Variants in GCFC2 observed in about 807,000 individuals in gnomAD.
GCFC2 encodes the protein GC-rich sequence DNA-binding factor 2.
In GCFC2, 102 loss-of-function variants were observed where a neutral mutation model predicts 99.4. The ratio of observed to expected loss-of-function variants is 1.03; its 90% CI spans 0.87 to 1.21. The LOEUF (loss-of-function observed/expected upper bound fraction) is 1.21, where lower values mean the gene tolerates loss of function less well. Among genes scored for constraint, GCFC2 ranks in the 50% most tolerant of loss-of-function variants. The pLI is 0.00. For synonymous variants in GCFC2, 338 were observed against 316.8 expected (o/e 1.07, Z -0.71); for missense variants, 973 against 920.9 (o/e 1.06, Z -0.73).
Position 75,702,201 on chromosome 2 carries a change from G to C in GCFC2, c.617C>G (p.Ser206Ter). The C allele has an allele frequency of 6.2e-7, 1 of 1,601,092 alleles. No individual in the cohort carries two copies. The highest frequency in any genetic ancestry group is 8.6e-7 in the Non-Finnish European group (1 of 1,168,690). The part of the protein sequence containing the change: ...QTLRQRMAEE[S>*]ISRNEETSEE... Reference sequence around the variant, plus strand: ...TTCATATATTGGTAAATCCATACTTGATTCCTCAGCCATCCTTTGTCTAAG... The same window carrying C: ...TTCATATATTGGTAAATCCATACTTCATTCCTCAGCCATCCTTTGTCTAAG... The change falls in exon 3 of 17, where the codon TCA becomes TGA. Residue 206 changes from serine to a stop codon, truncating the protein, a stop_gained and splice_region_variant. Coordinates refer to ENST00000321027, the MANE Select transcript of GCFC2 (RefSeq NM_003203.5). LOFTEE classifies it high-confidence loss of function.
intron 1 of GCFC2, 87 bp from the exon 2 acceptor site, chr2:75,706,738 A>G: frequency 2.5e-6 from 2 of 800,434 alleles, no homozygotes; most frequent in South Asian, 1.9e-5. Context: ...TGGCATATGT[A>G]TAATACGGTG....
chr2:75,685,004 C>G (rs1679747162), intron 11 of GCFC2, among the ~76,000 whole-genome samples: 2 of 152,188 alleles, frequency 1.3e-5, no homozygotes, highest in Admixed American at 1.3e-4. Context: ...TAAGTGGGAG[C>G]TGAACAATGA....
At position 75,710,574 on chromosome 2, in the gene GCFC2, C is replaced by T; in HGVS notation, c.265+17G>A. ...CTGTGCCGTCACCTCCCCGCTTCCCCGCGTCTCCCTGGACACCTGAGCCTT... is the reference window on the plus strand; with the variant it reads ...CTGTGCCGTCACCTCCCCGCTTCCCTGCGTCTCCCTGGACACCTGAGCCTT... On this transcript the variant is annotated intron_variant, in intron 1 of 16. Coordinates refer to ENST00000321027, the MANE Select transcript of GCFC2 (RefSeq NM_003203.5). The T allele has an allele frequency of 6.7e-7, 1 of 1,488,472 alleles. No individual in the cohort carries two copies. The highest frequency in any genetic ancestry group is 8.9e-7 in the Non-Finnish European group (1 of 1,125,790). 92.2% of individuals were successfully genotyped at this position (1,488,472 alleles called of 1,614,324 possible).
chr2:75,672,065 T>C (rs762903985), intron 13 of GCFC2, 49 bp from the exon 14 acceptor site: 16 of 1,007,954 alleles, frequency 1.6e-5, no homozygotes, highest in Non-Finnish European at 2.0e-5. Flanking sequence ...GAACTATTAG[T>C]CTTTCAGAAC....
intron 12 of GCFC2, among the ~76,000 whole-genome samples, chr2:75,679,205 T>C (rs1679467641): frequency 6.6e-6 from 1 of 152,232 alleles, no homozygotes; most frequent in Non-Finnish European, 1.5e-5. Flanking sequence ...GTATCCCTTT[T>C]CTCCCTTTCA....
Position 75,702,379 on chromosome 2 carries a change from G to A in GCFC2, c.439C>T (p.Arg147Cys), listed in dbSNP as rs968325168. ...TCATCTTGGGCCCTGGCCAATTCACGTTTTCTGCGGGCTGCCTGAATAAAA... is the reference window on the plus strand; with the variant it reads ...TCATCTTGGGCCCTGGCCAATTCACATTTTCTGCGGGCTGCCTGAATAAAA... The part of the protein sequence containing the change: ...AAFIQAARRK[R>C]ELARAQDDYI... The change falls in exon 3 of 17, where the codon CGT becomes TGT. Residue 147 changes from arginine (R) to cysteine (C), a missense_variant. By Grantham distance (180) the Arg-to-Cys change is radical. Coordinates refer to ENST00000321027, the MANE Select transcript of GCFC2 (RefSeq NM_003203.5). The A allele has an allele frequency of 1.2e-5, 20 of 1,612,558 alleles. No individual in the cohort carries two copies. The highest frequency in any genetic ancestry group is 5.0e-5 in the Admixed American group (3 of 59,984).
In GCFC2 at chr2:75,701,263, T is replaced by C. The variant is rs767794615; in HGVS notation, c.644A>G (p.Glu215Gly). The part of the protein sequence containing the change: ...ESISRNEETS[E>G]ESQEDEKQDT... ...TTGCTTTTCATCTTCCTGACTTTCT[T>C]CACTTGTTTCTTCATTTCTGCTTAC... Residue 215 changes from glutamate to glycine, a missense_variant, in exon 4 of 17, where the codon GAA (glutamate) becomes GGA (glycine). By Grantham distance (98) the Glu-to-Gly change is moderately conservative (BLOSUM62 -2). Coordinates refer to ENST00000321027, the MANE Select transcript of GCFC2 (RefSeq NM_003203.5). The C allele has an allele frequency of 3.1e-6, 5 of 1,605,698 alleles. No individual in the cohort carries two copies. In the Admixed American group the frequency reaches 5.0e-5, roughly 16 times the overall value.
chr2:75,690,294 G>A (rs1553435069), intron 8 of GCFC2, among the ~76,000 whole-genome samples: 1 of 151,980 alleles, frequency 6.6e-6, no homozygotes, highest in Non-Finnish European at 1.5e-5. Flanking sequence ...TGCATTTTTT[G>A]TTTTGTTTTG....
At chr2:75,701,612 T>C (rs1412345893) in intron 3 of GCFC2, among the ~76,000 whole-genome samples, 1 of 152,212 alleles carries the variant, frequency 6.6e-6, no homozygotes, top group African/African-American at 2.4e-5. Context: ...TGAGAAAGAA[T>C]GAAATGTTTG....
chr2:75,697,268 G>T (rs1680369363), intron 4 of GCFC2, among the ~76,000 whole-genome samples: 1 of 152,206 alleles, frequency 6.6e-6, no homozygotes, highest in Admixed American at 6.5e-5. Flanking sequence ...AAACTGACCA[G>T]ATATTTAGCC....
At chr2:75,700,551 T>A (rs1680540563) in intron 4 of GCFC2, among the ~76,000 whole-genome samples, 2 of 152,190 alleles carry the variant, frequency 1.3e-5, no homozygotes, top group African/African-American at 4.8e-5. Flanking sequence ...ATTGGATATA[T>A]TTGTATTATA....
At chr2:75,706,758 T>C (rs1680888023) in intron 1 of GCFC2, 107 bp from the exon 2 acceptor site, 3 of 626,520 alleles carry the variant, frequency 4.8e-6, no homozygotes, top group South Asian at 5.7e-5. Flanking sequence ...GTTTTAATCC[T>C]AGTCCATATA....
chr2:75,665,642 A>G (rs1171345865), intron 16 of GCFC2, among the ~76,000 whole-genome samples: 3 of 152,228 alleles, frequency 2.0e-5, no homozygotes, highest in Non-Finnish European at 4.4e-5. Flanking sequence ...GAAAATTAAA[A>G]ACACATTTAA....
At position 75,670,268 on chromosome 2, in the gene GCFC2, A is replaced by T; in HGVS notation, c.1973T>A (p.Leu658His). Residue 658 changes from leucine (L) to histidine (H), a missense_variant, in exon 15 of 17, where the codon CTT (leucine) becomes CAT (histidine). Coordinates refer to ENST00000321027, the MANE Select transcript of GCFC2 (RefSeq NM_003203.5). ...WSGLKLFRNI[L>H]LWNGLLTDDT... ...ATCTGTAAGGAGTCCATTCCAAAGA[A>T]GAATATTGCGGAAGAGCTAAAATAA... The T allele has an allele frequency of 6.2e-7, 1 of 1,604,424 alleles. No individual in the cohort carries two copies. The highest frequency in any genetic ancestry group is 1.1e-5 in the South Asian group (1 of 90,786).
rs767380900 is a variant in GCFC2 at position 75,666,011 on chromosome 2, T to C, written c.2146A>G (p.Met716Val). ...TCTAGCTGTGGAATAGATGTCCTCA[T>C]GGCAGAATTTTCAAACCATTTTTCT... ...LPEKWFENSAMRTSIPQLENF... is the reference protein window; with the variant it reads ...LPEKWFENSAVRTSIPQLENF... The change falls in exon 16 of 17, where the codon ATG (methionine) becomes GTG (valine). Residue 716 changes from methionine (M) to valine (V), a missense_variant. By Grantham distance (21) the Met-to-Val change is conservative. Transcript: ENST00000321027. The C allele has an allele frequency of 1.2e-6, 2 of 1,606,158 alleles. No individual in the cohort carries two copies. Among genetic ancestry groups the C allele is most frequent in the African/African-American group, 2.7e-5 (2 of 74,768 alleles).
At chr2:75,683,783 A>AG (rs1359330989) in intron 11 of GCFC2, among the ~76,000 whole-genome samples, 1 of 150,810 alleles carries the variant, frequency 6.6e-6, no homozygotes, top group African/African-American at 2.4e-5. Context: ...AAAAAAAAAA[A>AG]AAAAAAAAAG....
chr2:75,675,755 AAAAC>A (rs763677453), intron 12 of GCFC2, among the ~76,000 whole-genome samples: 10,989 of 145,784 alleles, frequency 0.075, 301 homozygotes, highest in Non-Finnish European at 0.1. Flanking sequence ...AAAAAAAAAA[AAAAC>A]AAAAAAAAGA....
intron 2 of GCFC2, among the ~76,000 whole-genome samples, chr2:75,703,082 T>C (rs1188170624): frequency 6.6e-6 from 1 of 151,984 alleles, no homozygotes; most frequent in Non-Finnish European, 1.5e-5. Flanking sequence ...CTTAAGAGAG[T>C]CTTATTTTTT....
In GCFC2 at chr2:75,694,295, G is replaced by T; in HGVS notation, c.966C>A (p.Phe322Leu). Residue 322 changes from phenylalanine (F) to leucine (L), a missense_variant, in exon 6 of 17, where the codon TTC becomes TTA. By Grantham distance (22) the Phe-to-Leu change is conservative. Transcript: ENST00000321027. ...SSSNQALNCK[F>L]YKSMKIYVEN... ...CCACATAAATTTTCATGCTTTTATA[G>T]AATTTACAATTTAGAGCTTGATTTG... is the stretch of plus-strand genomic sequence containing the variant. 2 of 1,235,848 alleles carry T rather than the reference G, an allele frequency of 1.6e-6. No homozygotes were observed. The highest frequency in any genetic ancestry group is 1.4e-5 in the South Asian group (1 of 72,254). 76.6% of individuals were successfully genotyped at this position (1,235,848 alleles called of 1,614,324 possible). A position where few individuals can be genotyped will look rare whatever the true frequency, so the allele number is the denominator to read the frequency against.
Sources: allele counts gnomAD v4.1 joint callset (sites outside exome capture counted in the v4.1 genomes callset), GRCh38; gene constraint gnomAD v4.1.1; transcripts MANE v1.5; gene names NCBI Gene and HGNC (gene_info 2026-07-23, HGNC 2026-07-21).